The following PRKCA variants were observed in gnomAD, a reference collection of about 807,000 sequenced individuals.
PRKCA encodes protein kinase C alpha.
A neutral mutation model predicts 87.0 loss-of-function variants in PRKCA; 27 were observed. That is an observed-to-expected ratio of 0.31 (90% CI 0.23 to 0.43). The LOEUF (loss-of-function observed/expected upper bound fraction) is 0.43, where lower values mean the gene tolerates loss of function less well. PRKCA is among the 20% of genes least tolerant of loss of function. PRKCA has a pLI of 1.00. For synonymous variants in PRKCA, 329 were observed against 311.1 expected, an observed-to-expected ratio of 1.06 and a Z score of -0.61; for missense variants, 518 against 852.3, an observed-to-expected ratio of 0.61 and a Z score of 4.88.
intron 11 of PRKCA, among the ~76,000 whole-genome samples, chr17:66,741,023 T>C (rs1472838799): frequency 6.6e-6 from 1 of 152,244 alleles, no homozygotes; most frequent in Non-Finnish European, 1.5e-5. Flanking sequence ...CACAGTCTTG[T>C]GGCTTCTTCG....
intron 2 of PRKCA, among the ~76,000 whole-genome samples, chr17:66,349,180 T>C (rs1286728623): frequency 1.3e-5 from 2 of 152,220 alleles, no homozygotes; most frequent in African/African-American, 4.8e-5. Flanking sequence ...TGGACAGTCA[T>C]CTAATAAAAT....
intron 2 of PRKCA, among the ~76,000 whole-genome samples, chr17:66,356,299 T>C (rs1473239225): frequency 6.6e-6 from 1 of 151,736 alleles, no homozygotes; most frequent in African/African-American, 2.4e-5. Context: ...TGATTTTCTT[T>C]ATCATCCACT....
chr17:66,302,851 C>T lies in PRKCA; in HGVS notation c.-1C>T. On this transcript the variant is annotated 5_prime_UTR_variant, in exon 1 of 17. Transcript: ENST00000413366. ...GAGGCAAGAGGTGGTTGGGGGGGAC[C>T]ATGGCTGACGTTTTCCCGGGCAACG... 1 of 1,599,524 alleles carries T rather than the reference C, an allele frequency of 6.3e-7. No homozygotes were observed. Among genetic ancestry groups the T allele is most frequent in the South Asian group, 1.1e-5 (1 of 89,292 alleles).
Position 66,509,910 on chromosome 17 carries a change from GA to G in PRKCA, c.288+13637del, listed in dbSNP as rs138667945. On this transcript the variant is annotated intron_variant, in intron 3 of 16. Coordinates refer to ENST00000413366, the MANE Select transcript of PRKCA (RefSeq NM_002737.3). ...TGTTTGTTGAAAGAGCGAATGAATG[GA>G]AAAAAAAAATGAAGTCTTTGATTCC... is the stretch of plus-strand genomic sequence containing the variant. Among the ~76,000 whole-genome samples the G allele has an allele frequency of 6.4e-3, 947 of 148,098 alleles. 12 individuals are homozygous for G. The highest frequency in any genetic ancestry group is 0.02 in the African/African-American group (827 of 40,546).
Position 66,669,189 on chromosome 17 carries a change from GA to G in PRKCA, c.530-17921del, listed in dbSNP as rs540239455. 2.0e-4 allele frequency among the ~76,000 whole-genome samples: 30 copies of G among 152,168 alleles called. No individual in the cohort carries two copies. In the East Asian group the frequency reaches 5.6e-3, roughly 28 times the overall value. On this transcript the variant is annotated intron_variant, in intron 5 of 16. Transcript: ENST00000413366. ...TTGAGAGGAAAAGCAAGCAGAATGA[GA>G]TTTTTTAAAATGATAGTGGGCTATA...
chr17:66,709,956 A>T (rs1973282685), intron 8 of PRKCA, among the ~76,000 whole-genome samples: 1 of 152,150 alleles, frequency 6.6e-6, no homozygotes, highest in South Asian at 2.1e-4. Context: ...ATTACTGGGC[A>T]CCTTGCTATG....
At chr17:66,317,766 G>A (rs1315034855) in intron 2 of PRKCA, among the ~76,000 whole-genome samples, 1 of 152,148 alleles carries the variant, frequency 6.6e-6, no homozygotes, top group East Asian at 1.9e-4. Flanking sequence ...GATTTATGTT[G>A]AAGTTAAATG....
chr17:66,685,654 A>T (rs897835571), intron 5 of PRKCA, among the ~76,000 whole-genome samples: 3 of 152,132 alleles, frequency 2.0e-5, no homozygotes, highest in Non-Finnish European at 2.9e-5. Context: ...AGTAAAGGCA[A>T]TGCCTGTCTC....
At chr17:66,463,679 G>C (rs969594574) in intron 2 of PRKCA, among the ~76,000 whole-genome samples, 1 of 152,190 alleles carries the variant, frequency 6.6e-6, no homozygotes, top group Non-Finnish European at 1.5e-5. Flanking sequence ...GCAGGCATGA[G>C]CCACTGTGCC....
At chr17:66,483,443 T>C (rs6504435) in intron 2 of PRKCA, among the ~76,000 whole-genome samples, 71,171 of 150,708 alleles carry the variant, frequency 0.47, 18,082 homozygotes, top group African/African-American at 0.66. Context: ...AATTTCCCCT[T>C]GCCTTTATTT....
At chr17:66,315,098 C>T (rs76219881) in intron 2 of PRKCA, among the ~76,000 whole-genome samples, 15,360 of 152,078 alleles carry the variant, frequency 0.1, 1,122 homozygotes, top group East Asian at 0.22. Context: ...AAGTTTATGA[C>T]GTAGGGGTTT....
intron 3 of PRKCA, among the ~76,000 whole-genome samples, chr17:66,635,706 C>T (rs990979887): frequency 6.6e-6 from 1 of 152,158 alleles, no homozygotes; most frequent in Non-Finnish European, 1.5e-5. Context: ...ATTCCCTATT[C>T]AGTAAACAGT....
chr17:66,708,291 AG>A (rs1404460881), intron 8 of PRKCA, among the ~76,000 whole-genome samples: 1 of 152,124 alleles, frequency 6.6e-6, no homozygotes, highest in African/African-American at 2.4e-5. Flanking sequence ...CCTTGAGCAG[AG>A]GTGTTTTGCT....
intron 3 of PRKCA, among the ~76,000 whole-genome samples, chr17:66,523,412 G>A (rs1243216290): frequency 1.3e-5 from 2 of 152,090 alleles, no homozygotes; most frequent in African/African-American, 4.8e-5. Flanking sequence ...CTTGAGCAGG[G>A]CATTTAACCT....
chr17:66,316,208 C>T (rs57155953), intron 2 of PRKCA, among the ~76,000 whole-genome samples: 2,072 of 152,218 alleles, frequency 0.014, 56 homozygotes, highest in African/African-American at 0.047. Context: ...CCCCACTGAC[C>T]TCCAAATGGA....
At chr17:66,522,219 T>C (rs1967184151) in intron 3 of PRKCA, among the ~76,000 whole-genome samples, 1 of 152,192 alleles carries the variant, frequency 6.6e-6, no homozygotes, top group South Asian at 2.1e-4. Flanking sequence ...AGCTGGTGGA[T>C]ACCCCGAATG....
chr17:66,782,045 C>A lies in PRKCA; in HGVS notation c.1606-4822C>A, dbSNP rs1053637412. Among the ~76,000 whole-genome samples the A allele has an allele frequency of 2.0e-4, 31 of 151,940 alleles. No individual in the cohort carries two copies. In the South Asian group the frequency reaches 2.9e-3, roughly 14 times the overall value. Reference sequence around the variant, plus strand: ...TCTCCTGCTTCAGCCTCCCAGGTAGCAGGGACTACAGGCGCACTCTACCAT... The same window carrying A: ...TCTCCTGCTTCAGCCTCCCAGGTAGAAGGGACTACAGGCGCACTCTACCAT... On this transcript the variant is annotated intron_variant, in intron 14 of 16. Coordinates refer to ENST00000413366, the MANE Select transcript of PRKCA (RefSeq NM_002737.3).
rs71367172 is a variant in PRKCA at position 66,515,271 on chromosome 17, C to CAAAAAAAA, written c.288+18999_288+19006dup. ...TAGGTGACAGAGCAAGACTCTGTCT[C>CAAAAAAAA]AAAAAAAAAAAAAAAAAAGAAGGGA... On this transcript the variant is annotated intron_variant, in intron 3 of 16. Coordinates refer to ENST00000413366, the MANE Select transcript of PRKCA (RefSeq NM_002737.3). 6.2e-5 allele frequency among the ~76,000 whole-genome samples: 6 copies of CAAAAAAAA among 96,400 alleles called. 1 individual carries two copies. The highest frequency in any genetic ancestry group is 3.9e-4 in the South Asian group (1 of 2,594). The allele number at this position is 96,400 out of a possible 152,430, so 63.2% of individuals were successfully genotyped here.
intron 3 of PRKCA, among the ~76,000 whole-genome samples, chr17:66,588,449 A>G (rs1180788115): frequency 2.0e-5 from 3 of 152,054 alleles, no homozygotes; most frequent in Non-Finnish European, 4.4e-5. Flanking sequence ...TATTTTGATG[A>G]AAGAAAAATG....
Sources: gnomAD v4.1 joint callset for allele counts (sites outside exome capture counted in the v4.1 genomes callset) on GRCh38, gnomAD v4.1.1 for gene constraint, MANE v1.5 for transcripts, NCBI Gene and HGNC (gene_info 2026-07-23, HGNC 2026-07-21) for gene names.